The following FUT8 variants were observed in gnomAD, a reference collection of about 807,000 sequenced individuals.
The protein encoded by FUT8 is fucosyltransferase 8, also known as alpha-(1,6)-fucosyltransferase.
In FUT8, 29 loss-of-function variants were observed where a neutral mutation model predicts 71.3. The ratio of observed to expected loss-of-function variants is 0.41; its 90% confidence interval spans 0.30 to 0.55. The LOEUF (loss-of-function observed/expected upper bound fraction) is 0.55, where lower values mean the gene tolerates loss of function less well. Ranked by LOEUF, FUT8 falls within the 20% of genes least tolerant of loss-of-function variation. The pLI is 0.34. For synonymous variants in FUT8, 254 were observed against 239.3 expected (o/e 1.06, Z -0.57); for missense variants, 544 against 702.1 (o/e 0.77, Z 2.55).
chr14:65,484,681 T>G (rs568743611), intron 2 of FUT8, among the ~76,000 whole-genome samples: 1 of 151,992 alleles, frequency 6.6e-6, no homozygotes, highest in African/African-American at 2.4e-5. Flanking sequence ...CTCAAAAAAA[T>G]AAAAAAATTT....
At chr14:65,395,838 A>T in the FUT8 span, among the ~76,000 whole-genome samples, 38 of 152,380 alleles carry the variant, frequency 2.5e-4, no homozygotes, top group Middle Eastern at 0.01. Context: ...GTCAGGCTGC[A>T]AATTTTCCGA....
intron 2 of FUT8, among the ~76,000 whole-genome samples, chr14:65,478,308 A>T (rs956256982): frequency 9.9e-5 from 15 of 152,148 alleles, no homozygotes; most frequent in Non-Finnish European, 1.6e-4. Flanking sequence ...CAGGTCAGGC[A>T]TCCCAAATCT....
At chr14:65,560,725 C>G (rs1885872726) in intron 2 of FUT8, among the ~76,000 whole-genome samples, 1 of 152,098 alleles carries the variant, frequency 6.6e-6, no homozygotes, top group South Asian at 2.1e-4. Context: ...CTAGCCTGAT[C>G]CATTTGAACC....
At chr14:65,412,553 C>T (rs1034685993), upstream of FUT8, 18 of 351,334 alleles carry the variant, frequency 5.1e-5, no homozygotes, top group African/African-American at 3.7e-4. Context: ...CTGTGCCGTC[C>T]CGCTGTGGCC....
intron 2 of FUT8, among the ~76,000 whole-genome samples, chr14:65,535,194 G>C (rs1435869836): frequency 6.6e-6 from 1 of 151,848 alleles, no homozygotes; most frequent in Non-Finnish European, 1.5e-5. Context: ...CTGCCTCCCA[G>C]GTTCAAGCGA....
At chr14:65,404,192 GAC>G in the FUT8 span, among the ~76,000 whole-genome samples, 1 of 148,010 alleles carries the variant, frequency 6.8e-6, no homozygotes, top group African/African-American at 2.5e-5. Context: ...TTTTCTTTGA[GAC>G]AGAGTCTCAC....
the FUT8 span, among the ~76,000 whole-genome samples, chr14:65,358,336 A>G: frequency 6.6e-6 from 1 of 152,190 alleles, no homozygotes; most frequent in Non-Finnish European, 1.5e-5. Flanking sequence ...ATTATAAATA[A>G]ATTAATAAAA....
chr14:65,691,572 T>C (rs1893592869), intron 7 of FUT8, among the ~76,000 whole-genome samples: 1 of 152,228 alleles, frequency 6.6e-6, no homozygotes, highest in Non-Finnish European at 1.5e-5. Context: ...CTGAAATAAA[T>C]TCCAATTGGT....
intron 2 of FUT8, among the ~76,000 whole-genome samples, chr14:65,462,079 C>CT (rs939261142): frequency 2.0e-5 from 3 of 152,142 alleles, no homozygotes; most frequent in Non-Finnish European, 4.4e-5. Flanking sequence ...ACCAAATGAT[C>CT]TTTAAGACAT....
intron 7 of FUT8, among the ~76,000 whole-genome samples, chr14:65,692,434 G>A (rs1893689000): frequency 7.1e-6 from 1 of 141,704 alleles, no homozygotes; most frequent in Non-Finnish European, 1.6e-5. Context: ...CTCCCGGACG[G>A]GGCGGCTGGC....
upstream of FUT8, chr14:65,412,092 G>A (rs1429747774): frequency 2.2e-6 from 1 of 456,482 alleles, no homozygotes; most frequent in Non-Finnish European, 4.4e-6. Flanking sequence ...TCGCAGCCGC[G>A]GGTCGGGAGA....
intron 7 of FUT8, among the ~76,000 whole-genome samples, chr14:65,710,883 C>T (rs543192906): frequency 4.6e-5 from 7 of 152,262 alleles, no homozygotes; most frequent in African/African-American, 1.7e-4. Flanking sequence ...AGAAAGCTTG[C>T]ACTCATGGCA....
chr14:65,620,769 G>C (rs1361992892), intron 5 of FUT8, among the ~76,000 whole-genome samples: 1 of 152,118 alleles, frequency 6.6e-6, no homozygotes, highest in Non-Finnish European at 1.5e-5. Context: ...GCTGGGATGT[G>C]GATATTCTTT....
At chr14:65,510,228 G>A (rs1882244731) in intron 2 of FUT8, among the ~76,000 whole-genome samples, 1 of 151,902 alleles carries the variant, frequency 6.6e-6, no homozygotes, top group Non-Finnish European at 1.5e-5. Flanking sequence ...TACGATATAT[G>A]GTGATTGATT....
Position 65,716,731 on chromosome 14 carries a change from G to A in FUT8, c.836-5044G>A, listed in dbSNP as rs534384762. Reference sequence around the variant, plus strand: ...ACCATCATCATCATGGCCTGTTCTCGATGGTCGCTGTCTCTTTGGAGCTGT... The same window carrying A: ...ACCATCATCATCATGGCCTGTTCTCAATGGTCGCTGTCTCTTTGGAGCTGT... On this transcript the variant is annotated intron_variant, in intron 7 of 10. Coordinates refer to ENST00000673929, the MANE Select transcript of FUT8 (RefSeq NM_001371533.1). Among the ~76,000 whole-genome samples, 106 of 152,130 alleles carry A rather than the reference G, an allele frequency of 7.0e-4. 1 individual carries two copies. Among genetic ancestry groups the A allele is most frequent in the African/African-American group, 2.4e-3 (98 of 41,482 alleles).
At chr14:65,380,132 T>G in the FUT8 span, among the ~76,000 whole-genome samples, 4 of 152,198 alleles carry the variant, frequency 2.6e-5, no homozygotes, top group Non-Finnish European at 5.9e-5. Context: ...AGAGGTTTAA[T>G]TGGACTTACA....
At chr14:65,585,378 G>T (rs930645688) in intron 3 of FUT8, among the ~76,000 whole-genome samples, 1 of 152,046 alleles carries the variant, frequency 6.6e-6, no homozygotes, top group African/African-American at 2.4e-5. Context: ...GTACAGGCAG[G>T]ATCTTGCCAT....
At chr14:65,501,279 G>T (rs2066641511) in intron 2 of FUT8, among the ~76,000 whole-genome samples, 1 of 152,196 alleles carries the variant, frequency 6.6e-6, no homozygotes, top group Non-Finnish European at 1.5e-5. Context: ...GATTATACAG[G>T]TATTGGAGGG....
At chr14:65,689,296 A>G (rs1239496022) in intron 7 of FUT8, among the ~76,000 whole-genome samples, 2 of 152,164 alleles carry the variant, frequency 1.3e-5, no homozygotes, top group African/African-American at 2.4e-5. Flanking sequence ...TCATCTGTAC[A>G]TCTTCTTTGG....
Sources: gnomAD v4.1 joint callset for allele counts (sites outside exome capture counted in the v4.1 genomes callset) on GRCh38, gnomAD v4.1.1 for gene constraint, MANE v1.5 for transcripts, NCBI Gene and HGNC (gene_info 2026-07-23, HGNC 2026-07-21) for gene names.